The following ADRM1 variants were observed in gnomAD, a reference collection of about 807,000 sequenced individuals.
ADRM1 encodes the protein proteasomal ubiquitin receptor ADRM1.
ADRM1 carries 2 observed loss-of-function variants against 40.1 expected under a neutral mutation model. The observed-to-expected ratio is 0.05, with a 90% confidence interval of 0.02 to 0.16. The LOEUF (loss-of-function observed/expected upper bound fraction) is 0.16, where lower values mean the gene tolerates loss of function less well. ADRM1 is among the 10% of genes least tolerant of loss of function. The pLI, the probability that ADRM1 is intolerant of heterozygous loss-of-function variation, is 1.00. For missense variants in ADRM1, 467 were observed against 552.5 expected, an observed-to-expected ratio of 0.85 and a Z score of 1.55; for synonymous variants, 287 against 240.4, an observed-to-expected ratio of 1.19 and a Z score of -1.79.
intron 5 of ADRM1, 43 bp downstream of exon 5, chr20:62,306,777 A>G (rs762630498): frequency 2.6e-6 from 4 of 1,526,310 alleles, no homozygotes; most frequent in Non-Finnish European, 3.6e-6. Context: ...TCTGCTGGGA[A>G]TGCTTTGAGG....
chr20:62,307,266 T>C, intron 5 of ADRM1, 105 bp from the exon 6 acceptor site: 1 of 1,166,312 alleles, frequency 8.6e-7, no homozygotes, highest in African/African-American at 1.5e-5. Context: ...CGCTTCTTCC[T>C]GGCTTTGGTG....
chr20:62,306,430 C>T (rs2146003328), intron 4 of ADRM1, 110 bp downstream of exon 4: 1 of 1,574,924 alleles, frequency 6.3e-7, no homozygotes, highest in East Asian at 2.2e-5. Flanking sequence ...ATAGAAGATT[C>T]TAAAAGTTAG....
chr20:62,306,217 T>A lies in ADRM1; in HGVS notation c.351T>A (p.Asp117Glu). The A allele has an allele frequency of 6.2e-7, 1 of 1,612,882 alleles. No homozygotes were observed. Among genetic ancestry groups the A allele is most frequent in the Non-Finnish European group, 8.5e-7 (1 of 1,179,752 alleles). The change falls in exon 4 of 10, where the codon GAT (aspartate) becomes GAA (glutamate). Residue 117 changes from aspartate (D) to glutamate (E), a missense_variant. Physicochemically the swap from Asp to Glu is conservative, Grantham distance 45. Around this residue, in one of 3 missense-constraint regions of ADRM1, gnomAD observed 418 missense variants for 474.6 expected, o/e 0.88. Transcript: ENST00000253003. Reference sequence around the variant, plus strand: ...TGCAGGAACCCAAGACAGACCAGGATGAGGAGCATTGCCGGAAAGTCAACG... The same window carrying A: ...TGCAGGAACCCAAGACAGACCAGGAAGAGGAGCATTGCCGGAAAGTCAACG... ...FWMQEPKTDQ[D>E]EEHCRKVNEY...
rs1246580116 is a variant in ADRM1 at position 62,308,463 on chromosome 20, C to T, written c.1110C>T (p.Asn370=). ...CTGCAGAGGCTGTGGAGGCCGCCAA[C>T]AAGGGCGGTAAGTGGCTGCGCCTGC... The part of the protein sequence containing the change: ...GLPAEAVEAA[N]KGDVEAFAKA... Residue 370 remains asparagine (N), a synonymous_variant, in exon 9 of 10, where the codon AAC becomes AAT. Coordinates refer to ENST00000253003, the MANE Select transcript of ADRM1 (RefSeq NM_007002.4). The T allele has an allele frequency of 1.9e-6, 3 of 1,604,214 alleles. No individual in the cohort carries two copies. Among genetic ancestry groups the T allele is most frequent in the African/African-American group, 1.3e-5 (1 of 74,900 alleles).
intron 2 of ADRM1, chr20:62,304,123 TTTG>T (rs1473957759): frequency 1.9e-5 from 9 of 483,254 alleles, no homozygotes; most frequent in Non-Finnish European, 2.6e-5. Flanking sequence ...CTCAGTCTTC[TTTG>T]TTTTTCAAAC....
At chr20:62,307,989 A>T in intron 7 of ADRM1, 32 bp from the exon 8 acceptor site, 1 of 1,596,938 alleles carries the variant, frequency 6.3e-7, no homozygotes, top group Non-Finnish European at 8.5e-7. Flanking sequence ...TTAGGCTGTC[A>T]TCGAGCTGAT....
At position 62,308,471 on chromosome 20, in the gene ADRM1, G is replaced by GT. The variant is rs1390445709; in HGVS notation, c.1117+2dup. ...GCTGTGGAGGCCGCCAACAAGGGCG[G>GT]TAAGTGGCTGCGCCTGCACCTCCAG... On this transcript the variant is annotated splice_donor_variant, in intron 9 of 9. Coordinates refer to ENST00000253003, the MANE Select transcript of ADRM1 (RefSeq NM_007002.4). LOFTEE classifies it high-confidence loss of function. 1.3e-6 allele frequency: 2 copies of GT among 1,597,458 alleles called. No homozygotes were observed. The highest frequency in any genetic ancestry group is 1.7e-6 in the Non-Finnish European group (2 of 1,173,914).
chr20:62,304,193 C>T (rs1159279127), intron 2 of ADRM1: 2 of 516,120 alleles, frequency 3.9e-6, no homozygotes, highest in African/African-American at 3.8e-5. Flanking sequence ...TTTAACTACT[C>T]TGGGAATGTT....
At chr20:62,304,786 G>A (rs927665273) in intron 3 of ADRM1, among the ~76,000 whole-genome samples, 1 of 152,240 alleles carries the variant, frequency 6.6e-6, no homozygotes, top group Non-Finnish European at 1.5e-5. Flanking sequence ...GCTGGGCTGC[G>A]GGCAACCGAT....
intron 8 of ADRM1, 50 bp downstream of exon 8, chr20:62,308,228 A>G (rs755346240): frequency 1.3e-6 from 2 of 1,563,310 alleles, no homozygotes; most frequent in African/African-American, 2.7e-5. Flanking sequence ...GGGAGTGGGC[A>G]GGGGGGAGGA....
intron 3 of ADRM1, chr20:62,305,751 CG>C (rs1266905274): frequency 2.0e-5 from 4 of 200,382 alleles, no homozygotes; most frequent in South Asian, 1.9e-4. Context: ...TGTGTGCACA[CG>C]CGTGTGCTCG....
At chr20:62,303,475 G>C (rs901021278) in intron 1 of ADRM1, 93 bp from the exon 2 acceptor site, 35 of 1,300,836 alleles carry the variant, frequency 2.7e-5, no homozygotes, top group Non-Finnish European at 3.5e-5. Flanking sequence ...CTGGGCGCAG[G>C]CCCCCTGCTC....
At chr20:62,304,732 G>A (rs1272151237) in intron 3 of ADRM1, among the ~76,000 whole-genome samples, 155 bp downstream of exon 3, 1 of 152,268 alleles carries the variant, frequency 6.6e-6, no homozygotes, top group Non-Finnish European at 1.5e-5. Context: ...TGCGGTGCAT[G>A]CTACCTGGGG....
At position 62,307,423 on chromosome 20, in the gene ADRM1, T is replaced by TGGGCCTCCAGGGAGCAGC. The variant is rs1332779900; in HGVS notation, c.595_612dup (p.Gly199_Ser204dup). On this transcript the variant is annotated inframe_insertion, in exon 6 of 10. Transcript: ENST00000253003. ...GCCTGGCCAGCTTACTGGGGAGCAG[T>TGGGCCTCCAGGGAGCAGC]GGGCCTCCAGGGAGCAGCTCCTCCT... 2 of 1,608,318 alleles carry TGGGCCTCCAGGGAGCAGC rather than the reference T, an allele frequency of 1.2e-6. No homozygotes were observed. The highest frequency in any genetic ancestry group is 3.4e-5 in the Admixed American group (2 of 58,902).
chr20:62,304,110 T>C, intron 2 of ADRM1: 1 of 491,160 alleles, frequency 2.0e-6, no homozygotes. Flanking sequence ...CCTGGCGGCT[T>C]CACTCAGTCT....
At chr20:62,306,426 G>T (rs745715892) in intron 4 of ADRM1, 106 bp downstream of exon 4, 10 of 1,579,572 alleles carry the variant, frequency 6.3e-6, no homozygotes, top group Non-Finnish European at 8.7e-6. Context: ...GGAAATAGAA[G>T]ATTCTAAAAG....
At chr20:62,304,397 C>T (rs1414894468) in intron 2 of ADRM1, 64 bp from the exon 3 acceptor site, 14 of 1,420,566 alleles carry the variant, frequency 9.9e-6, no homozygotes, top group Non-Finnish European at 1.3e-5. Flanking sequence ...TCAGTACGCT[C>T]TCCTGAGACT....
At chr20:62,307,487 G>A (rs373979932) in intron 6 of ADRM1, 35 bp downstream of exon 6, 69 of 1,603,580 alleles carry the variant, frequency 4.3e-5, no homozygotes, top group African/African-American at 1.9e-4. Flanking sequence ...CAGGTGCCAC[G>A]GTGTTAAGGG....
rs1339851200 is a variant in ADRM1, at chr20:62,308,416, C to A, written c.1063C>A (p.Leu355Ile). 8 of 1,609,764 alleles carry A rather than the reference C, an allele frequency of 5.0e-6. No individual in the cohort carries two copies. Among genetic ancestry groups the A allele is most frequent in the Non-Finnish European group, 6.8e-6 (8 of 1,179,294 alleles). Reference protein sequence around the residue: ...AALASGQLGPLMCQFGLPAEA... With the variant: ...AALASGQLGPIMCQFGLPAEA... ...CTTGGCCTCGGGGCAGCTGGGCCCCCTCATGTGCCAGTTCGGTCTGCCTGC... is the reference window on the plus strand; with the variant it reads ...CTTGGCCTCGGGGCAGCTGGGCCCCATCATGTGCCAGTTCGGTCTGCCTGC... The change falls in exon 9 of 10, where the codon CTC (leucine) becomes ATC (isoleucine). Residue 355 changes from leucine (L) to isoleucine (I), a missense_variant. Leu to Ile is a conservative substitution (Grantham distance 5). Around this residue, in one of 3 missense-constraint regions of ADRM1, gnomAD observed 418 missense variants for 474.6 expected, o/e 0.88. Coordinates refer to ENST00000253003, the MANE Select transcript of ADRM1 (RefSeq NM_007002.4).
Sources: allele counts gnomAD v4.1 joint callset (sites outside exome capture counted in the v4.1 genomes callset), GRCh38; gene constraint gnomAD v4.1.1; regional missense constraint gnomAD v4.1.1; transcripts MANE v1.5; gene names NCBI Gene and HGNC (gene_info 2026-07-23, HGNC 2026-07-21).